Variants in RNF6 observed in about 807,000 individuals in gnomAD.
RNF6 encodes ring finger protein 6, also known as E3 ubiquitin-protein ligase RNF6.
In RNF6, 21 loss-of-function variants were observed where a neutral mutation model predicts 50.1. The observed-to-expected ratio is 0.42, with a 90% CI of 0.30 to 0.60. RNF6 has a LOEUF of 0.60. Among genes scored for constraint, RNF6 ranks in the 20% least tolerant of loss-of-function variants. The probability of loss-of-function intolerance (pLI) is 0.20; values close to 1 mark genes in which losing one functional copy is unlikely to be tolerated. For synonymous variants in RNF6, 255 were observed against 291.8 expected (o/e 0.87, Z 1.29); for missense variants, 698 against 838.2 (o/e 0.83, Z 2.07).
intron 5 of RNF6, among the ~76,000 whole-genome samples, chr13:26,188,775 A>G (rs920631388): frequency 6.6e-6 from 1 of 151,632 alleles, no homozygotes; most frequent in Admixed American, 6.6e-5. Flanking sequence ...GACTACAGGC[A>G]CATGCCACCA....
chr13:26,137,653 T>TA (rs57465135), intron 5 of RNF6, among the ~76,000 whole-genome samples: 2,462 of 138,650 alleles, frequency 0.018, 28 homozygotes, highest in African/African-American at 0.037. Context: ...ATAGAAATTA[T>TA]AAAAAAAAAA....
chr13:26,186,917 A>G (rs994902057), intron 5 of RNF6, among the ~76,000 whole-genome samples: 2 of 152,034 alleles, frequency 1.3e-5, no homozygotes, highest in Admixed American at 1.3e-4. Flanking sequence ...AGCTGGGACT[A>G]CAGGCGCCCG....
At chr13:26,143,269 T>A (rs536419026) in intron 5 of RNF6, among the ~76,000 whole-genome samples, 1 of 151,738 alleles carries the variant, frequency 6.6e-6, no homozygotes, top group South Asian at 2.1e-4. Context: ...AGGGATCTCC[T>A]GTATTCTAGA....
intron 5 of RNF6, among the ~76,000 whole-genome samples, chr13:26,204,496 C>CA (rs71080239): frequency 0.12 from 8,205 of 68,534 alleles, 565 homozygotes; most frequent in African/African-American, 0.22. Context: ...GACTCCACCT[C>CA]AAAAAAAAAA....
Position 26,204,496 on chromosome 13 carries a change from C to CAAAA in RNF6, n.768+10974_768+10977dup, listed in dbSNP as rs71080239. Among the ~76,000 whole-genome samples the CAAAA allele has an allele frequency of 3.2e-3, 217 of 67,534 alleles. 1 individual carries two copies. The highest frequency in any genetic ancestry group is 8.6e-3 in the South Asian group (17 of 1,988). The allele number at this position is 67,534 out of a possible 152,430, so 44.3% of individuals were successfully genotyped here. A position where few individuals can be genotyped will look rare whatever the true frequency, so the allele number is the denominator to read the frequency against. On this transcript the variant is annotated intron_variant and non_coding_transcript_variant, in intron 5 of 5. Coordinates refer to the RNF6 transcript ENST00000468480. ...TGGGCAACAGAGCGAGACTCCACCT[C>CAAAA]AAAAAAAAAAAAAAAAAAAGAAAGA...
intron 5 of RNF6, chr13:26,142,398 T>C (rs781071918): frequency 1.3e-5 from 2 of 152,164 alleles, no homozygotes; most frequent in Non-Finnish European, 2.9e-5. Context: ...ACATGAATCA[T>C]TCTACCAAAA....
chr13:26,164,942 C>T (rs140396861), intron 5 of RNF6, among the ~76,000 whole-genome samples: 197 of 152,218 alleles, frequency 1.3e-3, no homozygotes, highest in African/African-American at 4.2e-3. Flanking sequence ...AAGCCAGCTG[C>T]AGAAATTTGC....
intron 5 of RNF6, among the ~76,000 whole-genome samples, chr13:26,159,159 T>C (rs1199918307): frequency 1.3e-5 from 2 of 152,320 alleles, no homozygotes; most frequent in Middle Eastern, 3.4e-3. Flanking sequence ...ATATTTAGTG[T>C]AAACATTGTG....
chr13:26,196,822 C>T (rs1243746249), intron 5 of RNF6, among the ~76,000 whole-genome samples: 2 of 151,860 alleles, frequency 1.3e-5, no homozygotes, highest in African/African-American at 4.9e-5. Flanking sequence ...ATATACAAGG[C>T]TGCATCCCTC....
chr13:26,151,831 A>G (rs1330463591), intron 5 of RNF6, among the ~76,000 whole-genome samples: 4 of 152,216 alleles, frequency 2.6e-5, no homozygotes, highest in Non-Finnish European at 4.4e-5. Flanking sequence ...TACGCGCTCA[A>G]TGAACTGCCT....
At chr13:26,175,805 C>T (rs894575812) in intron 5 of RNF6, among the ~76,000 whole-genome samples, 19 of 152,094 alleles carry the variant, frequency 1.2e-4, no homozygotes, top group African/African-American at 4.3e-4. Context: ...AGACAATTTC[C>T]GATTTGAAAA....
At chr13:26,149,889 TATATACACAC>T (rs1464737121) in intron 5 of RNF6, among the ~76,000 whole-genome samples, 2 of 81,446 alleles carry the variant, frequency 2.5e-5, no homozygotes, top group East Asian at 3.1e-4. Context: ...TATATATATA[TATATACACAC>T]ACACAGTGTA....
chr13:26,181,130 C>G (rs1301869654), intron 5 of RNF6, among the ~76,000 whole-genome samples: 1 of 152,144 alleles, frequency 6.6e-6, no homozygotes, highest in African/African-American at 2.4e-5. Flanking sequence ...TGACAAGGCA[C>G]CGGACTAGAT....
At chr13:26,175,538 A>C (rs143634493) in intron 5 of RNF6, among the ~76,000 whole-genome samples, 2 of 152,090 alleles carry the variant, frequency 1.3e-5, no homozygotes, top group Non-Finnish European at 2.9e-5. Context: ...TGCACTTCCT[A>C]AGGTAAAGCT....
At chr13:26,171,697 G>C (rs1012136003) in intron 5 of RNF6, among the ~76,000 whole-genome samples, 1 of 152,144 alleles carries the variant, frequency 6.6e-6, no homozygotes, top group Non-Finnish European at 1.5e-5. Context: ...AATACAATGA[G>C]ATATGATTCA....
intron 5 of RNF6, among the ~76,000 whole-genome samples, chr13:26,141,100 C>A (rs1870918220): frequency 6.6e-6 from 1 of 152,152 alleles, no homozygotes; most frequent in African/African-American, 2.4e-5. Flanking sequence ...ATGCCAACAT[C>A]ATTTTTCACG....
At chr13:26,174,516 C>A (rs576878505) in intron 5 of RNF6, among the ~76,000 whole-genome samples, 1 of 150,126 alleles carries the variant, frequency 6.7e-6, no homozygotes, top group East Asian at 1.9e-4. Context: ...ATTAGCTGAG[C>A]GTGGTGGCAG....
At position 26,220,663 on chromosome 13, in the gene RNF6, T is replaced by C. The variant is rs1315809583; in HGVS notation, c.-19+585A>G. 3.3e-5 allele frequency among the ~76,000 whole-genome samples: 5 copies of C among 152,156 alleles called. No individual in the cohort carries two copies. In the East Asian group the frequency reaches 9.6e-4, roughly 29 times the overall value. On this transcript the variant is annotated intron_variant, in intron 2 of 4. Transcript: ENST00000381588. ...TTCCAGGGTAGGACCAGGTCTGCTG[T>C]TAAGAGCTAATTTGGGTGTTCTGCA...
chr13:26,195,900 C>T (rs1212242140), intron 5 of RNF6, among the ~76,000 whole-genome samples: 1 of 152,132 alleles, frequency 6.6e-6, no homozygotes, highest in African/African-American at 2.4e-5. Flanking sequence ...TTCAACCAGA[C>T]ATTATACATG....
Sources: gnomAD v4.1 joint callset for allele counts (sites outside exome capture counted in the v4.1 genomes callset) on GRCh38, gnomAD v4.1.1 for gene constraint, MANE v1.5 for transcripts, NCBI Gene and HGNC (gene_info 2026-07-23, HGNC 2026-07-21) for gene names.